SIPA1L2: variants seen among roughly 807,000 people sequenced by gnomAD.
SIPA1L2 encodes signal-induced proliferation-associated 1-like protein 2.
Under a neutral mutation model 163.9 loss-of-function variants are expected in SIPA1L2, and 56 were observed. That is an observed-to-expected ratio of 0.34 (90% CI 0.28 to 0.43). The LOEUF (loss-of-function observed/expected upper bound fraction) is 0.43, where lower values mean the gene tolerates loss of function less well. SIPA1L2 is among the 20% of genes least tolerant of loss of function. The pLI is 1.00. For synonymous variants in SIPA1L2, 877 were observed against 865.7 expected, an observed-to-expected ratio of 1.01 and a Z score of -0.23; for missense variants, 1,974 against 2,193.5, an observed-to-expected ratio of 0.90 and a Z score of 2.00.
intron 2 of SIPA1L2, among the ~76,000 whole-genome samples, chr1:232,551,068 G>A (rs1347716869): frequency 6.6e-6 from 1 of 152,098 alleles, no homozygotes; most frequent in Non-Finnish European, 1.5e-5. Context: ...TTAACTCCTA[G>A]GTGGCCCCAG....
At chr1:232,550,878 T>C (rs1186235153) in intron 2 of SIPA1L2, among the ~76,000 whole-genome samples, 1 of 152,106 alleles carries the variant, frequency 6.6e-6, no homozygotes, top group African/African-American at 2.4e-5. Flanking sequence ...AAGAGCAACA[T>C]GGAAGAGGTA....
At position 232,402,448 on chromosome 1, in the gene SIPA1L2, C is replaced by A; in HGVS notation, c.4966G>T (p.Gly1656Trp). The change falls in exon 22 of 23, where the codon GGG becomes TGG. Residue 1656 changes from glycine to tryptophan, a missense_variant. Gly to Trp is a radical substitution (Grantham distance 184). Transcript: ENST00000674635. Reference protein sequence around the residue: ...TGERSPSPLTGKVNQLELILR... With the variant: ...TGERSPSPLTWKVNQLELILR... The stretch of plus-strand genomic sequence containing the variant: ...ATTAATTCCAGCTGATTGACTTTCC[C>A]GGTCAGTGGTGATGGAGAACGCTCC... 1 of 1,613,378 alleles carries A rather than the reference C, an allele frequency of 6.2e-7. No homozygotes were observed. The highest frequency in any genetic ancestry group is 1.1e-5 in the South Asian group (1 of 91,058).
At chr1:232,459,122 C>A (rs1378012597) in intron 10 of SIPA1L2, among the ~76,000 whole-genome samples, 1 of 152,178 alleles carries the variant, frequency 6.6e-6, no homozygotes, top group African/African-American at 2.4e-5. Flanking sequence ...GCACATTAAC[C>A]ATAGAGGAAG....
At chr1:232,609,710 A>G (rs1210511055) in intron 1 of SIPA1L2, among the ~76,000 whole-genome samples, 1 of 151,932 alleles carries the variant, frequency 6.6e-6, no homozygotes, top group Non-Finnish European at 1.5e-5. Context: ...GGTGCCTGTA[A>G]TCCCAGCTAC....
At chr1:232,461,760 T>C (rs1371204058) in intron 9 of SIPA1L2, among the ~76,000 whole-genome samples, 1 of 152,202 alleles carries the variant, frequency 6.6e-6, no homozygotes, top group African/African-American at 2.4e-5. Context: ...GTCAGAGCTT[T>C]AGGAAAACTC....
Position 232,471,449 on chromosome 1 carries a change from T to C in SIPA1L2, c.2165A>G (p.Lys722Arg), listed in dbSNP as rs1664796988. Residue 722 changes from lysine to arginine, a missense_variant, in exon 8 of 23, where the codon AAA becomes AGA. Lys to Arg is a conservative substitution (Grantham distance 26). This residue lies in a region of SIPA1L2 where 288 missense variants were observed against 418.9 expected (regional missense o/e 0.69). Coordinates refer to ENST00000674635, the MANE Select transcript of SIPA1L2 (RefSeq NM_020808.5). The part of the protein sequence containing the change: ...QEPGALPFTP[K>R]SIRSHFQHVF... ...ATGCTGAAAGTGAGACCGGATGCTT[T>C]TTGGAGTAAAAGGAAGTGCCCCAGG... 1 of 1,614,000 alleles carries C rather than the reference T, an allele frequency of 6.2e-7. No homozygotes were observed. Among genetic ancestry groups the C allele is most frequent in the African/African-American group, 1.3e-5 (1 of 74,922 alleles).
chr1:232,613,183 G>C (rs566363069), intron 1 of SIPA1L2, among the ~76,000 whole-genome samples: 2 of 152,066 alleles, frequency 1.3e-5, no homozygotes, highest in Admixed American at 6.5e-5. Flanking sequence ...TGCCAGTCTC[G>C]GGTATGTCTT....
intron 1 of SIPA1L2, among the ~76,000 whole-genome samples, chr1:232,614,606 G>A (rs1321992994): frequency 6.6e-6 from 1 of 152,190 alleles, no homozygotes; most frequent in Non-Finnish European, 1.5e-5. Context: ...TATTGCTCGG[G>A]AGGTTCCCGG....
intron 10 of SIPA1L2, among the ~76,000 whole-genome samples, chr1:232,460,146 C>A (rs986854878): frequency 5.3e-5 from 8 of 152,186 alleles, no homozygotes; most frequent in African/African-American, 1.7e-4. Flanking sequence ...TGGGCCACAG[C>A]CTCAATAAAC....
intron 8 of SIPA1L2, among the ~76,000 whole-genome samples, chr1:232,468,224 A>C (rs58383309): frequency 6.6e-6 from 1 of 152,158 alleles, no homozygotes; most frequent in African/African-American, 2.4e-5. Flanking sequence ...CTTACATCAG[A>C]GCTCCTTATT....
chr1:232,493,579 T>C lies in SIPA1L2; in HGVS notation c.1565A>G (p.Lys522Arg). Residue 522 changes from lysine (K) to arginine (R), a missense_variant, in exon 4 of 23, where the codon AAG becomes AGG. By Grantham distance (26) the Lys-to-Arg change is conservative (BLOSUM62 2). This residue lies in a region of SIPA1L2 where 288 missense variants were observed against 418.9 expected (regional missense o/e 0.69). Transcript: ENST00000674635. ...SIRREKVEDAKEKEGSQFNYR... is the reference protein window; with the variant it reads ...SIRREKVEDAREKEGSQFNYR... The stretch of plus-strand genomic sequence containing the variant: ...GTTGAACTGGGATCCTTCTTTCTCC[T>C]TGGCATCTTCCACCTTCTCTCTCCG... The C allele has an allele frequency of 6.2e-7, 1 of 1,614,144 alleles. No homozygotes were observed.
intron 8 of SIPA1L2, among the ~76,000 whole-genome samples, chr1:232,469,912 C>G (rs1352574714): frequency 6.6e-6 from 1 of 151,652 alleles, no homozygotes; most frequent in Middle Eastern, 3.4e-3. Flanking sequence ...TATTGCCTAT[C>G]TTTACAATTT....
rs763021027 is a variant in SIPA1L2, at chr1:232,479,714, CG to C, written c.1997del (p.Thr666SerfsTer32). 1 of 1,613,290 alleles carries C rather than the reference CG, an allele frequency of 6.2e-7. No individual in the cohort carries two copies. The highest frequency in any genetic ancestry group is 2.2e-5 in the East Asian group (1 of 44,848). ...QLDNKTDSTG[T>X]HSLYTTYKDY... ...CTTTGTATGTGGTATAGAGAGAGTG[CG>C]TGCCCGTGGAATCAGCTGAAAACAA... On this transcript the variant is annotated frameshift_variant, in exon 7 of 23. Coordinates refer to ENST00000674635, the MANE Select transcript of SIPA1L2 (RefSeq NM_020808.5). LOFTEE classifies it high-confidence loss of function.
chr1:232,409,826 AATCATAAGAAATAATAAG>A (rs1315831089), intron 19 of SIPA1L2, among the ~76,000 whole-genome samples: 6 of 152,184 alleles, frequency 3.9e-5, no homozygotes, highest in Non-Finnish European at 8.8e-5. Context: ...CAACCCAGAG[AATCATAAGAAATAATAAG>A]CTATTGTTGT....
At chr1:232,424,908 T>C (rs1467254432) in intron 18 of SIPA1L2, among the ~76,000 whole-genome samples, 2 of 152,084 alleles carry the variant, frequency 1.3e-5, no homozygotes, top group Non-Finnish European at 1.5e-5. Context: ...ATAAAGGAAA[T>C]AAGGCTAACA....
chr1:232,422,472 G>A (rs1190723822), intron 18 of SIPA1L2, among the ~76,000 whole-genome samples: 2 of 152,204 alleles, frequency 1.3e-5, no homozygotes, highest in East Asian at 3.8e-4. Context: ...AAGGTGCAGA[G>A]ATTAGGTCTT....
At chr1:232,610,196 G>GT (rs1246778043) in intron 1 of SIPA1L2, among the ~76,000 whole-genome samples, 1 of 152,042 alleles carries the variant, frequency 6.6e-6, no homozygotes, top group African/African-American at 2.4e-5. Flanking sequence ...ATCTCTTCAT[G>GT]TTTTTTTAAT....
intron 10 of SIPA1L2, among the ~76,000 whole-genome samples, chr1:232,449,247 G>A (rs1004948995): frequency 9.2e-5 from 14 of 152,178 alleles, no homozygotes; most frequent in African/African-American, 2.2e-4. Flanking sequence ...GGCCGGGCGC[G>A]GTGGCTCACG....
chr1:232,464,927 T>C lies in SIPA1L2; in HGVS notation c.2733A>G (p.Lys911=). 1 of 1,614,248 alleles carries C rather than the reference T, an allele frequency of 6.2e-7. No homozygotes were observed. Among genetic ancestry groups the C allele is most frequent in the Non-Finnish European group, 8.5e-7 (1 of 1,180,048 alleles). ...IGWTSGLVSI[K]VFYERGECVL... The stretch of plus-strand genomic sequence containing the variant: ...CACATTCTCCTCTTTCGTAAAACAC[T>C]TTGATACTCACTAATCCAGATGTCC... Residue 911 remains lysine (K), a synonymous_variant, in exon 9 of 23, where the codon AAA becomes AAG. Coordinates refer to ENST00000674635, the MANE Select transcript of SIPA1L2 (RefSeq NM_020808.5).
Sources: allele counts gnomAD v4.1 joint callset (sites outside exome capture counted in the v4.1 genomes callset), GRCh38; gene constraint gnomAD v4.1.1; regional missense constraint gnomAD v4.1.1; transcripts MANE v1.5; gene names NCBI Gene and HGNC (gene_info 2026-07-23, HGNC 2026-07-21).